The following PLCB4 variants were observed in gnomAD, a reference collection of about 807,000 sequenced individuals.
PLCB4 encodes 1-phosphatidylinositol 4,5-bisphosphate phosphodiesterase beta-4.
Under a neutral mutation model 178.8 loss-of-function variants are expected in PLCB4, and 77 were observed. The ratio of observed to expected loss-of-function variants is 0.43; its 90% CI spans 0.36 to 0.52. The LOEUF (loss-of-function observed/expected upper bound fraction) is 0.52, where lower values mean the gene tolerates loss of function less well. Among genes scored for constraint, PLCB4 ranks in the 20% least tolerant of loss-of-function variants. PLCB4 has a pLI of 0.00. For synonymous variants in PLCB4, 496 were observed against 490.8 expected (o/e 1.01, Z -0.14); for missense variants, 1,024 against 1,453.4 (o/e 0.70, Z 4.80).
intron 3 of PLCB4, among the ~76,000 whole-genome samples, chr20:9,250,860 T>C (rs2094173363): frequency 6.6e-6 from 1 of 152,250 alleles, no homozygotes; most frequent in Non-Finnish European, 1.5e-5. Flanking sequence ...CAGCATTTTC[T>C]AAAATGTGTT....
chr20:9,279,963 C>A (rs571317003), intron 3 of PLCB4, among the ~76,000 whole-genome samples: 1 of 152,052 alleles, frequency 6.6e-6, no homozygotes, highest in Non-Finnish European at 1.5e-5. Context: ...GTTGACTTTA[C>A]CCCACCCTAT....
chr20:9,313,587 C>T (rs766023901), intron 4 of PLCB4, among the ~76,000 whole-genome samples: 1 of 152,102 alleles, frequency 6.6e-6, no homozygotes, highest in African/African-American at 2.4e-5. Flanking sequence ...TCCAAGAAAC[C>T]GATTTCTGCA....
chr20:9,459,561 A>C (rs1412784759), intron 34 of PLCB4, 74 bp from the exon 35 acceptor site: 3 of 1,097,728 alleles, frequency 2.7e-6, no homozygotes, highest in Non-Finnish European at 3.9e-6. Context: ...GAAATACCTG[A>C]ATAATGTTGT....
At chr20:9,309,120 G>A (rs1388637392) in intron 4 of PLCB4, among the ~76,000 whole-genome samples, 1 of 151,988 alleles carries the variant, frequency 6.6e-6, no homozygotes, top group East Asian at 1.9e-4. Flanking sequence ...TCCCATTGTA[G>A]CGTAAAGGGA....
chr20:9,222,112 A>G (rs1474502383), intron 3 of PLCB4, among the ~76,000 whole-genome samples: 1 of 124,646 alleles, frequency 8.0e-6, no homozygotes, highest in African/African-American at 3.0e-5. Context: ...TTTTATTTTG[A>G]CAGGGTCTGG....
intron 3 of PLCB4, among the ~76,000 whole-genome samples, chr20:9,248,440 G>A (rs930294745): frequency 1.3e-5 from 2 of 152,080 alleles, no homozygotes; most frequent in South Asian, 2.1e-4. Flanking sequence ...TGGGATAAAG[G>A]GATAGTTTGT....
chr20:9,358,756 G>A (rs1388509834), intron 7 of PLCB4, among the ~76,000 whole-genome samples: 4 of 152,114 alleles, frequency 2.6e-5, no homozygotes, highest in East Asian at 3.9e-4. Flanking sequence ...AAAATTAGCC[G>A]AGAGTGGTGG....
chr20:9,159,790 C>A (rs1010505631), intron 2 of PLCB4, among the ~76,000 whole-genome samples: 1 of 152,114 alleles, frequency 6.6e-6, no homozygotes. Flanking sequence ...TGCTCAGTAT[C>A]TATTTTGAAA....
At chr20:9,420,542 T>C (rs2040560016) in intron 26 of PLCB4, among the ~76,000 whole-genome samples, 1 of 152,068 alleles carries the variant, frequency 6.6e-6, no homozygotes, top group South Asian at 2.1e-4. Flanking sequence ...TTGGCCAGGC[T>C]GTTCTCAAAC....
chr20:9,461,224 A>G (rs1311618769), intron 35 of PLCB4, among the ~76,000 whole-genome samples: 1 of 152,250 alleles, frequency 6.6e-6, no homozygotes, highest in East Asian at 1.9e-4. Flanking sequence ...TTGCTTAGGA[A>G]GTCATTTGAA....
At chr20:9,365,574 A>C in intron 9 of PLCB4, 60 bp downstream of exon 9, 3 of 966,302 alleles carry the variant, frequency 3.1e-6, no homozygotes, top group Non-Finnish European at 5.0e-6. Context: ...ATCCCAAACC[A>C]AAGAGAGAAC....
chr20:9,283,127 GAGA>G (rs1431420693), intron 3 of PLCB4, among the ~76,000 whole-genome samples: 3 of 151,968 alleles, frequency 2.0e-5, no homozygotes, highest in Non-Finnish European at 2.9e-5. Flanking sequence ...ACCATGCCTG[GAGA>G]AGGAGTGGTA....
intron 4 of PLCB4, among the ~76,000 whole-genome samples, chr20:9,324,372 G>A (rs2030042699): frequency 6.6e-6 from 1 of 152,042 alleles, no homozygotes. Flanking sequence ...GTTGCAGTGA[G>A]CCCAGATCAT....
chr20:9,224,507 TGA>T (rs1217587302), intron 3 of PLCB4, among the ~76,000 whole-genome samples: 1 of 152,114 alleles, frequency 6.6e-6, no homozygotes, highest in Non-Finnish European at 1.5e-5. Flanking sequence ...GTGGAGCAAT[TGA>T]GAGAGAGGAG....
intron 3 of PLCB4, among the ~76,000 whole-genome samples, chr20:9,267,514 A>G (rs2094360659): frequency 6.6e-6 from 1 of 152,176 alleles, no homozygotes; most frequent in Non-Finnish European, 1.5e-5. Flanking sequence ...AATAAAATAT[A>G]TCATAAAAGG....
In PLCB4 at chr20:9,395,594, G is replaced by A. The variant is rs1417852261; in HGVS notation, c.1486G>A (p.Asp496Asn). 3.7e-6 allele frequency: 6 copies of A among 1,611,192 alleles called. No homozygotes were observed. Among genetic ancestry groups the A allele is most frequent in the South Asian group, 1.1e-5 (1 of 91,026 alleles). ...CTCCCCAGCAAACATCTTAGAGGAC[G>A]ATAATGAAGAGGAGATCGAAAGTGG... Reference protein sequence around the residue: ...SASPANILEDDNEEEIESADQ... With the variant: ...SASPANILEDNNEEEIESADQ... The change falls in exon 19 of 40, where the codon GAT becomes AAT. Residue 496 changes from aspartate (D) to asparagine (N), a missense_variant. Transcript: ENST00000378473.
intron 2 of PLCB4, among the ~76,000 whole-genome samples, chr20:9,213,223 C>T (rs2093692746): frequency 1.6e-5 from 2 of 128,078 alleles, no homozygotes; most frequent in South Asian, 5.4e-4. Context: ...CGGCTCACTA[C>T]AAACTCTATC....
Position 9,393,661 on chromosome 20 carries a change from A to G in PLCB4, c.1397A>G (p.Lys466Arg). The change falls in exon 18 of 40, where the codon AAA (lysine) becomes AGA (arginine). Residue 466 changes from lysine (K) to arginine (R), a missense_variant. This residue lies in a region of PLCB4 where 263 missense variants were observed against 417.4 expected (regional missense o/e 0.63). Transcript: ENST00000378473. Reference sequence around the variant, plus strand: ...ATACTCATAAAAAACAAGCGGCTGAAACCTGAAGTTGAAAAAAGTAAGTGA... The same window carrying G: ...ATACTCATAAAAAACAAGCGGCTGAGACCTGAAGTTGAAAAAAGTAAGTGA... ...RKILIKNKRL[K>R]PEVEKKQLEA... 2.5e-6 allele frequency: 4 copies of G among 1,611,004 alleles called. No individual in the cohort carries two copies. Among genetic ancestry groups the G allele is most frequent in the Non-Finnish European group, 3.4e-6 (4 of 1,177,222 alleles).
At chr20:9,449,324 G>A (rs2042606210) in intron 32 of PLCB4, among the ~76,000 whole-genome samples, 1 of 152,076 alleles carries the variant, frequency 6.6e-6, no homozygotes, top group South Asian at 2.1e-4. Context: ...CATATCTCCA[G>A]TAACGTGTTA....
Sources: gnomAD v4.1 joint callset for allele counts (sites outside exome capture counted in the v4.1 genomes callset) on GRCh38, gnomAD v4.1.1 for gene constraint, gnomAD v4.1.1 regional missense constraint, MANE v1.5 for transcripts, NCBI Gene and HGNC (gene_info 2026-07-23, HGNC 2026-07-21) for gene names.